The following AHI1 variants were observed in gnomAD, a reference collection of about 807,000 sequenced individuals.
The protein encoded by AHI1 is Abelson helper integration site 1.
AHI1 carries 123 observed loss-of-function variants against 149.3 expected under a neutral mutation model. The ratio of observed to expected loss-of-function variants is 0.82; its 90% confidence interval spans 0.71 to 0.96. The LOEUF is 0.96. Ranked by LOEUF, AHI1 falls within the 40% of genes least tolerant of loss-of-function variation. AHI1 has a pLI of 0.00. For missense variants in AHI1, 1,439 were observed against 1,422.7 expected (o/e 1.01, Z -0.18); for synonymous variants, 475 against 459.8 (o/e 1.03, Z -0.42).
chr6:135,460,713 T>C (rs1789735989), intron 8 of AHI1, among the ~76,000 whole-genome samples: 1 of 152,206 alleles, frequency 6.6e-6, no homozygotes, highest in African/African-American at 2.4e-5. Flanking sequence ...TTAGACATGG[T>C]AGTGTTGGTA....
At position 135,295,301 on chromosome 6, in the gene AHI1, T is replaced by G. The variant is rs532051364; in HGVS notation, c.3486-4776A>C. The stretch of plus-strand genomic sequence containing the variant: ...GGTGAGGAAGCAGAACTCATACATG[T>G]TGGTAGGACTGTAAAAAGGTAAAAC... On this transcript the variant is annotated intron_variant, in intron 27 of 28. Transcript: ENST00000265602. Among the ~76,000 whole-genome samples the G allele has an allele frequency of 1.3e-3, 205 of 152,322 alleles. 2 individuals are homozygous for G. The highest frequency in any genetic ancestry group is 1.8e-3 in the Non-Finnish European group (121 of 68,024).
At chr6:135,382,894 TAAAAAA>T (rs573438726) in intron 23 of AHI1, among the ~76,000 whole-genome samples, 50 of 15,558 alleles carry the variant, frequency 3.2e-3, no homozygotes, top group African/African-American at 6.8e-3. Flanking sequence ...GCAAAATTAG[TAAAAAA>T]AAAAAAAAAA....
intron 24 of AHI1, among the ~76,000 whole-genome samples, chr6:135,332,821 CTT>C (rs755808576): frequency 3.3e-5 from 5 of 152,162 alleles, no homozygotes; most frequent in Non-Finnish European, 7.4e-5. Flanking sequence ...GCTCTTTATT[CTT>C]TGTTTCTCCC....
At chr6:135,364,977 C>T (rs546347929) in intron 23 of AHI1, among the ~76,000 whole-genome samples, 1 of 152,094 alleles carries the variant, frequency 6.6e-6, no homozygotes, top group South Asian at 2.1e-4. Flanking sequence ...GTCTTTCATC[C>T]ATCTTGAGTT....
intron 23 of AHI1, among the ~76,000 whole-genome samples, chr6:135,388,815 C>A (rs1777993996): frequency 6.6e-6 from 1 of 150,378 alleles, no homozygotes; most frequent in Non-Finnish European, 1.5e-5. Flanking sequence ...AGTTCAAGAC[C>A]AGCCTGGTCA....
rs1218126211 is a variant in AHI1 at position 135,467,620 on chromosome 6, TC to T, written c.149del (p.Arg50LysfsTer7). 1 of 1,607,344 alleles carries T rather than the reference TC, an allele frequency of 6.2e-7. No individual in the cohort carries two copies. Among genetic ancestry groups the T allele is most frequent in the South Asian group, 1.1e-5 (1 of 90,188 alleles). ...TTTCTTTCATATAGTGAAGATTGCT[TC>T]TAATAGTGTCAGGCTAAAAAGGAAG... ...SEENISPDTIRSNLHYMKETT... is the reference protein window; with the variant it reads ...SEENISPDTIXSNLHYMKETT... On this transcript the variant is annotated frameshift_variant, in exon 6 of 29. Coordinates refer to ENST00000265602, the MANE Select transcript of AHI1 (RefSeq NM_001134831.2). LOFTEE classifies it high-confidence loss of function.
In AHI1 at chr6:135,344,571, A is replaced by G. The variant is rs60847936; in HGVS notation, c.3165+13561T>C. ...TCTGCAGAATGCCTATAGCTATGTGACCATATTTTCCAAACCAAATATAGA... is the reference window on the plus strand; with the variant it reads ...TCTGCAGAATGCCTATAGCTATGTGGCCATATTTTCCAAACCAAATATAGA... On this transcript the variant is annotated intron_variant, in intron 24 of 28. Coordinates refer to ENST00000265602, the MANE Select transcript of AHI1 (RefSeq NM_001134831.2). Among the ~76,000 whole-genome samples the G allele has an allele frequency of 3.6e-3, 543 of 151,948 alleles. 2 individuals carry two copies. The highest frequency in any genetic ancestry group is 0.013 in the African/African-American group (523 of 41,488).
intron 17 of AHI1, among the ~76,000 whole-genome samples, chr6:135,430,416 T>C (rs1372032487): frequency 2.0e-5 from 3 of 151,924 alleles, no homozygotes; most frequent in Non-Finnish European, 1.5e-5. Flanking sequence ...TAAGAATTTC[T>C]AACAACAGAA....
chr6:135,495,750 G>T (rs1795875809), intron 3 of AHI1, 64 bp downstream of exon 3: 2 of 152,252 alleles, frequency 1.3e-5, no homozygotes, highest in Admixed American at 1.3e-4. Context: ...GAAGCGAAGT[G>T]AAGAGAAGCA....
At chr6:135,432,697 T>C (rs1435145987) in intron 16 of AHI1, among the ~76,000 whole-genome samples, 2 of 152,116 alleles carry the variant, frequency 1.3e-5, no homozygotes, top group Non-Finnish European at 2.9e-5. Flanking sequence ...TAATTGCAAA[T>C]TTCCCTTCTA....
chr6:135,307,910 T>C (rs563135794), intron 26 of AHI1, among the ~76,000 whole-genome samples: 46 of 152,292 alleles, frequency 3.0e-4, no homozygotes, highest in African/African-American at 1.1e-3. Context: ...ACAATGGCAC[T>C]AACCATGTTA....
At chr6:135,417,496 T>C (rs1414191396) in intron 20 of AHI1, among the ~76,000 whole-genome samples, 1 of 152,012 alleles carries the variant, frequency 6.6e-6, no homozygotes, top group African/African-American at 2.4e-5. Context: ...AAATGACATT[T>C]TTAACTGGAA....
intron 15 of AHI1, among the ~76,000 whole-genome samples, chr6:135,434,296 T>C (rs1007582190): frequency 1.3e-5 from 2 of 151,946 alleles, no homozygotes; most frequent in African/African-American, 4.8e-5. Flanking sequence ...GAATCCAAAC[T>C]AATAATAGAG....
intron 24 of AHI1, among the ~76,000 whole-genome samples, chr6:135,357,389 G>C (rs1409981415): frequency 6.6e-6 from 1 of 152,144 alleles, no homozygotes; most frequent in Non-Finnish European, 1.5e-5. Context: ...TTTGGCTCAG[G>C]GATGCAGGAA....
intron 23 of AHI1, among the ~76,000 whole-genome samples, chr6:135,385,045 C>G (rs1453127544): frequency 6.6e-6 from 1 of 152,070 alleles, no homozygotes; most frequent in African/African-American, 2.4e-5. Flanking sequence ...TCCGAGATCG[C>G]GCCACTGCAC....
intron 22 of AHI1, among the ~76,000 whole-genome samples, chr6:135,396,452 G>A (rs1779225200): frequency 6.6e-6 from 1 of 151,714 alleles, no homozygotes; most frequent in Admixed American, 6.6e-5. Context: ...TAACCATAAA[G>A]CACTAATGAA....
At chr6:135,461,852 T>C (rs1312287833) in intron 8 of AHI1, among the ~76,000 whole-genome samples, 1 of 152,082 alleles carries the variant, frequency 6.6e-6, no homozygotes, top group Non-Finnish European at 1.5e-5. Context: ...GTATTTATCA[T>C]TCTATTCATA....
intron 28 of AHI1, among the ~76,000 whole-genome samples, chr6:135,288,758 T>C (rs1283700413): frequency 2.0e-5 from 3 of 151,988 alleles, no homozygotes; most frequent in Admixed American, 6.6e-5. Context: ...AATCTCTCCA[T>C]GTATACTTGA....
rs529567447 is a variant in AHI1 at position 135,491,380 on chromosome 6, C to T, written c.11-633G>A. Reference sequence around the variant, plus strand: ...TATAATACCCTTCCTTTAGCTCCTCCGTCACAGCAAGCTCCTTCCCACATG... The same window carrying T: ...TATAATACCCTTCCTTTAGCTCCTCTGTCACAGCAAGCTCCTTCCCACATG... On this transcript the variant is annotated intron_variant, in intron 4 of 28. Transcript: ENST00000265602. Among the ~76,000 whole-genome samples, 136 of 152,266 alleles carry T rather than the reference C, an allele frequency of 8.9e-4. 1 individual carries two copies. Among genetic ancestry groups the T allele is most frequent in the African/African-American group, 3.1e-3 (129 of 41,546 alleles).
Sources: allele counts gnomAD v4.1 joint callset (sites outside exome capture counted in the v4.1 genomes callset), GRCh38; gene constraint gnomAD v4.1.1; transcripts MANE v1.5; gene names NCBI Gene and HGNC (gene_info 2026-07-23, HGNC 2026-07-21).